The following PANK2 variants were observed in gnomAD, a reference collection of about 807,000 sequenced individuals.
PANK2 encodes the protein pantothenate kinase 2, also known as pantothenate kinase 2, mitochondrial.
A neutral mutation model predicts 43.1 loss-of-function variants in PANK2; 36 were observed. The ratio of observed to expected loss-of-function variants is 0.84; its 90% CI spans 0.64 to 1.10. PANK2 has a LOEUF of 1.10. PANK2 is among the 50% of genes least tolerant of loss of function. PANK2 has a pLI of 0.00. For missense variants in PANK2, 576 were observed against 593.3 expected (o/e 0.97, Z 0.30); for synonymous variants, 281 against 238.2 (o/e 1.18, Z -1.66).
Position 3,889,450 on chromosome 20 carries a change from G to A in PANK2, c.20G>A (p.Arg7Gln), listed in dbSNP as rs911560228. The change falls in exon 1 of 7, where the codon CGG becomes CAG. Residue 7 changes from arginine to glutamine, a missense_variant. Around this residue, in one of 2 missense-constraint regions of PANK2, gnomAD observed 544 missense variants for 528.9 expected, o/e 1.03. Coordinates refer to ENST00000610179, the MANE Select transcript of PANK2 (RefSeq NM_001386393.1). ...CCGACGCTGGGGGGCTTGCTCGGGC[G>A]GCAGCGACTGCTGCTGCGGATGGGA... The A allele has an allele frequency of 3.2e-6, 5 of 1,549,906 alleles. No homozygotes were observed. Among genetic ancestry groups the A allele is most frequent in the East Asian group, 2.4e-5 (1 of 42,322 alleles).
Position 3,920,876 on chromosome 20 carries a change from C to A in PANK2, c.1332+2080C>A, listed in dbSNP as rs73574289. 5.8e-3 allele frequency among the ~76,000 whole-genome samples: 878 copies of A among 152,190 alleles called. 14 individuals carry two copies. The highest frequency in any genetic ancestry group is 0.02 in the African/African-American group (845 of 41,542). On this transcript the variant is annotated intron_variant, in intron 6 of 6. Transcript: ENST00000610179. Reference sequence around the variant, plus strand: ...AAAAAACAAAACACCAAACCGATATCATCATAATAGTTATAAGCCTTCGTG... The same window carrying A: ...AAAAAACAAAACACCAAACCGATATAATCATAATAGTTATAAGCCTTCGTG...
intron 2 of PANK2, among the ~76,000 whole-genome samples, chr20:3,909,653 C>T (rs929027307): frequency 6.6e-6 from 1 of 152,088 alleles, no homozygotes; most frequent in African/African-American, 2.4e-5. Context: ...GCAGTGGTGC[C>T]ATCTCAGCTC....
chr20:3,889,090 G>A (rs71647826), upstream of PANK2: 2,698 of 1,534,030 alleles, frequency 1.8e-3, 79 homozygotes, highest in East Asian at 0.055. Flanking sequence ...GGGGGCGGAA[G>A]GAGGGGGTGG....
rs773154597 is a variant in PANK2 at position 3,889,595 on chromosome 20, C to G, written c.165C>G (p.Arg55=). ...GGCGGCGGCAGGAGCCACTGCGGCG[C>G]CGGGCGAGCAGCGCGTCGGTGCCCG... is the stretch of plus-strand genomic sequence containing the variant. The change falls in exon 1 of 7, where the codon CGC becomes CGG. Residue 55 remains arginine (R), a synonymous_variant. Transcript: ENST00000610179. 2 of 1,505,798 alleles carry G rather than the reference C, an allele frequency of 1.3e-6. No homozygotes were observed. Among genetic ancestry groups the G allele is most frequent in the African/African-American group, 2.9e-5 (2 of 69,316 alleles). The allele number at this position is 1,505,798 out of a possible 1,614,324, so 93.3% of individuals were successfully genotyped here.
rs1230765 is a variant in PANK2, at chr20:3,927,581, C to G, written c.*4287C>G. ...GTGAGGAAACCCGAGGGCCAAACTACAAGACGAAAAAGTGCCCCGTTCCTG... is the reference window on the plus strand; with the variant it reads ...GTGAGGAAACCCGAGGGCCAAACTAGAAGACGAAAAAGTGCCCCGTTCCTG... On this transcript the variant is annotated 3_prime_UTR_variant, in exon 7 of 7. Transcript: ENST00000610179. The G allele has an allele frequency of 6.6e-6, 1 of 152,242 alleles. No individual in the cohort carries two copies. The highest frequency in any genetic ancestry group is 1.9e-4 in the East Asian group (1 of 5,172). The allele number at this position is 152,242 out of a possible 1,614,324, so 9.4% of individuals were successfully genotyped here. A position where few individuals can be genotyped will look rare whatever the true frequency, so the allele number is the denominator to read the frequency against.
chr20:3,908,236 C>T lies in PANK2; in HGVS notation c.609C>T (p.Ala203=). 3 of 1,612,288 alleles carry T rather than the reference C, an allele frequency of 1.9e-6. No homozygotes were observed. The highest frequency in any genetic ancestry group is 1.7e-5 in the Admixed American group (1 of 60,006). Residue 203 remains alanine, a synonymous_variant, in exon 2 of 7, where the codon GCC becomes GCT. Transcript: ENST00000610179. Reference sequence around the variant, plus strand: ...CGAGTCTCCACACTGTCTTTTGTGCCACTGGAGGTGGAGCGTACAAATTTG... The same window carrying T: ...CGAGTCTCCACACTGTCTTTTGTGCTACTGGAGGTGGAGCGTACAAATTTG...
chr20:3,889,077 G>T (rs777509647), upstream of PANK2: 2 of 1,519,006 alleles, frequency 1.3e-6, no homozygotes, highest in Admixed American at 2.0e-5. Context: ...GCATGCACAA[G>T]TGGGGGGCGG....
intron 6 of PANK2, among the ~76,000 whole-genome samples, chr20:3,920,695 A>G (rs1017556881): frequency 5.3e-5 from 8 of 151,938 alleles, no homozygotes; most frequent in Admixed American, 1.3e-4. Flanking sequence ...AAATACAAAA[A>G]TTAGCTGGAC....
intron 4 of PANK2, among the ~76,000 whole-genome samples, chr20:3,914,426 C>T (rs1208679151): frequency 6.6e-6 from 1 of 151,946 alleles, no homozygotes; most frequent in Non-Finnish European, 1.5e-5. Flanking sequence ...GGTGTTTCTC[C>T]TGCCTCAGTC....
At chr20:3,922,695 C>T (rs1023203101) in intron 6 of PANK2, among the ~76,000 whole-genome samples, 5 of 152,102 alleles carry the variant, frequency 3.3e-5, no homozygotes, top group East Asian at 3.9e-4. Flanking sequence ...TCCCCTTTCT[C>T]GGGGATGCTG....
chr20:3,908,800 G>T, intron 2 of PANK2: 1 of 188,348 alleles, frequency 5.3e-6, no homozygotes, highest in Non-Finnish European at 1.1e-5. Context: ...TTTCTGATGT[G>T]TTCTGTGCTG....
chr20:3,898,243 A>G (rs2090242387), intron 1 of PANK2, among the ~76,000 whole-genome samples: 1 of 150,828 alleles, frequency 6.6e-6, no homozygotes, highest in Non-Finnish European at 1.5e-5. Flanking sequence ...TCTGTCACCC[A>G]GGCTAGAGTG....
chr20:3,903,669 C>T (rs2090342100), intron 1 of PANK2, among the ~76,000 whole-genome samples: 1 of 151,260 alleles, frequency 6.6e-6, no homozygotes, highest in Non-Finnish European at 1.5e-5. Context: ...ACTCCGTTGC[C>T]CAGGCTGGAG....
intron 1 of PANK2, among the ~76,000 whole-genome samples, chr20:3,904,708 T>G (rs898449122): frequency 6.6e-6 from 1 of 152,264 alleles, no homozygotes; most frequent in African/African-American, 2.4e-5. Context: ...TTTTTAATTT[T>G]TGATTTTTCT....
upstream of PANK2, chr20:3,889,054 C>G (rs1568548646): frequency 2.2e-5 from 32 of 1,450,072 alleles, no homozygotes; most frequent in Non-Finnish European, 2.7e-5. Context: ...TTCCGCGGCC[C>G]GGGGGGGCAG....
intron 1 of PANK2, among the ~76,000 whole-genome samples, chr20:3,898,132 A>G (rs549287369): frequency 1.3e-5 from 2 of 152,292 alleles, no homozygotes; most frequent in East Asian, 1.9e-4. Context: ...CCATTGCTGC[A>G]TTACTGAGAA....
rs1371364756 is a variant in PANK2, at chr20:3,889,759, C to T, written c.298+31C>T. On this transcript the variant is annotated intron_variant, in intron 1 of 6. Coordinates refer to ENST00000610179, the MANE Select transcript of PANK2 (RefSeq NM_001386393.1). ...TGTTCCGTGGGGCGCCCTCCCGGCC[C>T]GCCCTGCCCCCCCTTCCGGCCCACC... 5 of 1,586,396 alleles carry T rather than the reference C, an allele frequency of 3.2e-6. 1 individual carries two copies. Among genetic ancestry groups the T allele is most frequent in the South Asian group, 1.1e-5 (1 of 89,660 alleles).
intron 1 of PANK2, 59 bp downstream of exon 1, chr20:3,889,787 GT>G (rs2090086382): frequency 6.7e-7 from 1 of 1,490,394 alleles, no homozygotes. Context: ...GGCCCACCCT[GT>G]CCCCTTCCGG....
intron 1 of PANK2, among the ~76,000 whole-genome samples, chr20:3,903,528 A>G (rs1458924086): frequency 7.6e-6 from 1 of 131,022 alleles, no homozygotes; most frequent in Non-Finnish European, 1.5e-5. Flanking sequence ...GTGCAATGGC[A>G]TGATCTCGGC....
Sources: allele counts gnomAD v4.1 joint callset (sites outside exome capture counted in the v4.1 genomes callset), GRCh38; gene constraint gnomAD v4.1.1; regional missense constraint gnomAD v4.1.1; transcripts MANE v1.5; gene names NCBI Gene and HGNC (gene_info 2026-07-23, HGNC 2026-07-21).